BZW2: variants seen among roughly 807,000 people sequenced by gnomAD.
BZW2 encodes basic leucine zipper and W2 domains 2.
Under a neutral mutation model 53.2 loss-of-function variants are expected in BZW2, and 23 were observed. The ratio of observed to expected loss-of-function variants is 0.43; its 90% CI spans 0.31 to 0.61. The LOEUF is 0.61. Ranked by LOEUF, BZW2 falls within the 20% of genes least tolerant of loss-of-function variation. The pLI, the probability that BZW2 is intolerant of heterozygous loss-of-function variation, is 0.09. For synonymous variants in BZW2, 227 were observed against 186.4 expected (o/e 1.22, Z -1.77); for missense variants, 409 against 503.1 (o/e 0.81, Z 1.79).
chr7:16,672,134 G>A (rs573434611), intron 2 of BZW2, among the ~76,000 whole-genome samples: 2 of 152,218 alleles, frequency 1.3e-5, no homozygotes, highest in South Asian at 4.2e-4. Flanking sequence ...AAATCTCACA[G>A]TAATCAATGT....
intron 5 of BZW2, among the ~76,000 whole-genome samples, chr7:16,685,643 CT>C (rs1359215103): frequency 1.3e-5 from 2 of 152,152 alleles, no homozygotes; most frequent in African/African-American, 4.8e-5. Context: ...CCAAATATCT[CT>C]TTTCCTTTCC....
intron 8 of BZW2, chr7:16,696,142 A>G (rs1288354234): frequency 1.3e-5 from 2 of 151,826 alleles, no homozygotes; most frequent in African/African-American, 4.8e-5. Flanking sequence ...AAAGGGAGGG[A>G]AAAAAAAGGT....
intron 2 of BZW2, among the ~76,000 whole-genome samples, chr7:16,667,151 G>T (rs902952876): frequency 6.6e-6 from 1 of 151,794 alleles, no homozygotes; most frequent in African/African-American, 2.4e-5. Flanking sequence ...GCGTGGTGGC[G>T]CATGCCTGTA....
chr7:16,669,238 G>T (rs1240414050), intron 2 of BZW2, among the ~76,000 whole-genome samples: 4 of 152,184 alleles, frequency 2.6e-5, no homozygotes, highest in Non-Finnish European at 5.9e-5. Context: ...TGATTCTTGT[G>T]CCTCAACCTC....
chr7:16,664,558 C>T (rs906966565), intron 1 of BZW2, among the ~76,000 whole-genome samples: 1 of 152,096 alleles, frequency 6.6e-6, no homozygotes, highest in Non-Finnish European at 1.5e-5. Flanking sequence ...ACTCAATGAG[C>T]GATGAGACGA....
chr7:16,678,238 T>C (rs1782827919), intron 3 of BZW2, among the ~76,000 whole-genome samples: 1 of 151,774 alleles, frequency 6.6e-6, no homozygotes, highest in Non-Finnish European at 1.5e-5. Context: ...GTAATTTTAG[T>C]AGGGATGGGG....
intron 1 of BZW2, among the ~76,000 whole-genome samples, chr7:16,654,044 C>T (rs1047356510): frequency 9.0e-5 from 11 of 122,134 alleles, no homozygotes; most frequent in East Asian, 2.3e-4. Flanking sequence ...GCCAGGAGTT[C>T]GAGACCAGCC....
chr7:16,672,863 C>T (rs1050425536), intron 2 of BZW2, among the ~76,000 whole-genome samples: 15 of 151,276 alleles, frequency 9.9e-5, no homozygotes, highest in Non-Finnish European at 1.5e-5. Flanking sequence ...ACTACTTCTG[C>T]AGACTCATGT....
intron 3 of BZW2, among the ~76,000 whole-genome samples, chr7:16,679,469 A>T (rs1782872684): frequency 6.6e-6 from 1 of 152,226 alleles, no homozygotes. Context: ...TAGACTCTTG[A>T]AGGGGCTGAC....
At chr7:16,656,555 GCA>G (rs376412401) in intron 1 of BZW2, among the ~76,000 whole-genome samples, 68,550 of 140,884 alleles carry the variant, frequency 0.49, 17,059 homozygotes, top group Non-Finnish European at 0.59. Context: ...GCGCGCGCGC[GCA>G]CACACACACA....
chr7:16,653,452 G>A (rs189928889), intron 1 of BZW2, among the ~76,000 whole-genome samples: 9 of 152,034 alleles, frequency 5.9e-5, no homozygotes, highest in Admixed American at 1.3e-4. Flanking sequence ...AAACTAACTT[G>A]CTCTCTGGCA....
chr7:16,689,484 C>A (rs1783234987), intron 6 of BZW2, among the ~76,000 whole-genome samples: 1 of 152,038 alleles, frequency 6.6e-6, no homozygotes, highest in African/African-American at 2.4e-5. Flanking sequence ...GAAATAAAGG[C>A]AATAACACCA....
intron 7 of BZW2, 44 bp from the exon 8 acceptor site, chr7:16,694,784 GCTGAAA>G: frequency 7.2e-7 from 1 of 1,397,310 alleles, no homozygotes; most frequent in Non-Finnish European, 9.6e-7. Flanking sequence ...CTTTATGCTT[GCTGAAA>G]TTTGAATGGC....
At chr7:16,660,890 A>G (rs909854869) in intron 1 of BZW2, among the ~76,000 whole-genome samples, 1 of 152,120 alleles carries the variant, frequency 6.6e-6, no homozygotes, top group African/African-American at 2.4e-5. Flanking sequence ...TGTTGTGTTA[A>G]TATGAAGTTT....
At chr7:16,689,149 C>A (rs1246517316) in intron 6 of BZW2, among the ~76,000 whole-genome samples, 1 of 152,024 alleles carries the variant, frequency 6.6e-6, no homozygotes, top group Non-Finnish European at 1.5e-5. Flanking sequence ...TCACTTGAAC[C>A]CAGGAGGTGA....
chr7:16,698,365 C>A, intron 10 of BZW2, 179 bp downstream of exon 10: 1 of 773,964 alleles, frequency 1.3e-6, no homozygotes, highest in Non-Finnish European at 2.0e-6. Context: ...GCATACACGC[C>A]ATATATGCGT....
chr7:16,688,982 T>C (rs1783216024), intron 6 of BZW2, among the ~76,000 whole-genome samples: 1 of 152,196 alleles, frequency 6.6e-6, no homozygotes, highest in Admixed American at 6.5e-5. Context: ...TCCCAGCAAT[T>C]TGGGAGGCCA....
At chr7:16,679,867 A>T (rs1419094671) in intron 3 of BZW2, among the ~76,000 whole-genome samples, 1 of 152,214 alleles carries the variant, frequency 6.6e-6, no homozygotes, top group African/African-American at 2.4e-5. Flanking sequence ...AAAATTAGAA[A>T]ATAAAAATTC....
At chr7:16,672,189 C>G (rs1782622118) in intron 2 of BZW2, among the ~76,000 whole-genome samples, 1 of 152,132 alleles carries the variant, frequency 6.6e-6, no homozygotes, top group Non-Finnish European at 1.5e-5. Flanking sequence ...GGTTCCCAGA[C>G]AGCCATGTAC....
Sources: allele counts gnomAD v4.1 joint callset (sites outside exome capture counted in the v4.1 genomes callset), GRCh38; gene constraint gnomAD v4.1.1; transcripts MANE v1.5; gene names NCBI Gene and HGNC (gene_info 2026-07-23, HGNC 2026-07-21).